The following MBNL2 variants were observed in gnomAD, a reference collection of about 807,000 sequenced individuals.
MBNL2 encodes the protein muscleblind like splicing regulator 2, also known as muscleblind-like protein 2.
MBNL2 carries 17 observed loss-of-function variants against 41.9 expected under a neutral mutation model. The ratio of observed to expected loss-of-function variants is 0.41; its 90% CI spans 0.28 to 0.61. The LOEUF is 0.61. Among genes scored for constraint, MBNL2 ranks in the 20% least tolerant of loss-of-function variants. The pLI is 0.35. For synonymous variants in MBNL2, 195 were observed against 182.9 expected, an observed-to-expected ratio of 1.07 and a Z score of -0.53; for missense variants, 336 against 505.6, an observed-to-expected ratio of 0.66 and a Z score of 3.22.
intron 2 of MBNL2, among the ~76,000 whole-genome samples, chr13:97,284,626 T>G (rs1473497443): frequency 3.9e-5 from 6 of 152,182 alleles, no homozygotes; most frequent in African/African-American, 1.4e-4. Flanking sequence ...GGAACACAAT[T>G]CAACCCATTA....
chr13:97,210,908 G>A, the MBNL2 span, among the ~76,000 whole-genome samples: 15 of 151,994 alleles, frequency 9.9e-5, no homozygotes, highest in African/African-American at 3.6e-4. Context: ...GTGTGGGAAG[G>A]ATTTCTGGCT....
intron 1 of MBNL2, among the ~76,000 whole-genome samples, chr13:97,256,251 A>C (rs1021986249): frequency 3.3e-5 from 5 of 152,248 alleles, no homozygotes; most frequent in Non-Finnish European, 7.4e-5. Flanking sequence ...CTTGATGGGC[A>C]GTGGAAAGAA....
At chr13:97,310,399 AT>A (rs1393653676) in intron 2 of MBNL2, among the ~76,000 whole-genome samples, 1 of 151,456 alleles carries the variant, frequency 6.6e-6, no homozygotes, top group African/African-American at 2.4e-5. Flanking sequence ...TGTGAGTGAG[AT>A]TTGTAGCCCT....
intron 8 of MBNL2, among the ~76,000 whole-genome samples, chr13:97,383,135 C>A (rs2065628144): frequency 6.6e-6 from 1 of 152,144 alleles, no homozygotes; most frequent in Non-Finnish European, 1.5e-5. Flanking sequence ...GTTAGATGGT[C>A]TGAGGACAAG....
intron 7 of MBNL2, among the ~76,000 whole-genome samples, chr13:97,364,533 G>T (rs2063694651): frequency 6.6e-6 from 1 of 152,290 alleles, no homozygotes; most frequent in South Asian, 2.1e-4. Context: ...CACCCATCCT[G>T]CCCTGCAAGC....
At position 97,391,404 on chromosome 13, in the gene MBNL2, C is replaced by A; in HGVS notation, c.1131C>A (p.Tyr377Ter). The change falls in exon 9 of 9, where the codon TAC (tyrosine) becomes TAA (stop). Residue 377 changes from tyrosine (Y) to a stop codon, truncating the protein, a stop_gained. Coordinates refer to ENST00000679496, the MANE Select transcript of MBNL2 (RefSeq NM_001382683.1). LOFTEE classifies it high-confidence loss of function. ...LRITKHCYCT[Y>*]YPVSSSIELP... Reference sequence around the variant, plus strand: ...TAACTAAACATTGTTACTGTACATACTATCCTGTTTCCTCCTCAATAGAAT... The same window carrying A: ...TAACTAAACATTGTTACTGTACATAATATCCTGTTTCCTCCTCAATAGAAT... 1 of 1,567,850 alleles carries A rather than the reference C, an allele frequency of 6.4e-7. No homozygotes were observed. Among genetic ancestry groups the A allele is most frequent in the Non-Finnish European group, 8.8e-7 (1 of 1,138,118 alleles).
At chr13:97,388,689 C>T (rs1019500249) in intron 8 of MBNL2, among the ~76,000 whole-genome samples, 1 of 152,096 alleles carries the variant, frequency 6.6e-6, no homozygotes, top group Non-Finnish European at 1.5e-5. Flanking sequence ...ATATGACAGG[C>T]CCTCAGTTGA....
At chr13:97,307,500 C>T (rs1462774000) in intron 2 of MBNL2, among the ~76,000 whole-genome samples, 1 of 152,028 alleles carries the variant, frequency 6.6e-6, no homozygotes, top group African/African-American at 2.4e-5. Context: ...TGGAAGCCGA[C>T]ATACCGTTAT....
At chr13:97,333,432 A>G (rs1594224724) in intron 2 of MBNL2, among the ~76,000 whole-genome samples, 1 of 152,196 alleles carries the variant, frequency 6.6e-6, no homozygotes, top group East Asian at 1.9e-4. Context: ...TTAGCCATAA[A>G]CACTCTTCAC....
chr13:97,217,025 A>G (rs911722393), upstream of MBNL2, among the ~76,000 whole-genome samples: 3 of 147,620 alleles, frequency 2.0e-5, no homozygotes, highest in African/African-American at 7.5e-5. Context: ...GAATATACAT[A>G]TAACATAATA....
chr13:97,373,158 C>T (rs2064554407), intron 8 of MBNL2, among the ~76,000 whole-genome samples: 1 of 152,198 alleles, frequency 6.6e-6, no homozygotes, highest in Non-Finnish European at 1.5e-5. Flanking sequence ...CAGAAAGCAG[C>T]TGGGCCCCAC....
chr13:97,240,271 C>T (rs1420452379), intron 1 of MBNL2, among the ~76,000 whole-genome samples: 1 of 152,226 alleles, frequency 6.6e-6, no homozygotes, highest in African/African-American at 2.4e-5. Flanking sequence ...CACCCAAATC[C>T]TGGCTCTGCC....
intron 2 of MBNL2, among the ~76,000 whole-genome samples, chr13:97,330,643 G>A (rs1443972854): frequency 2.6e-5 from 4 of 152,122 alleles, no homozygotes; most frequent in East Asian, 1.9e-4. Context: ...GACGCTTTAC[G>A]CTTCTGCACA....
rs920489313 is a variant in MBNL2, at chr13:97,242,504, G to T, written c.-605+19973G>T. On this transcript the variant is annotated intron_variant, in intron 1 of 8. Transcript: ENST00000679496. ...GGCATCAACAATCCTGTTACCTGCCGTCTTCTACCCAAAATATAATCCTGA... is the reference window on the plus strand; with the variant it reads ...GGCATCAACAATCCTGTTACCTGCCTTCTTCTACCCAAAATATAATCCTGA... Among the ~76,000 whole-genome samples, 22 of 152,088 alleles carry T rather than the reference G, an allele frequency of 1.4e-4. 1 individual carries two copies. Among genetic ancestry groups the T allele is most frequent in the Admixed American group, 1.3e-3 (20 of 15,268 alleles).
intron 1 of MBNL2, among the ~76,000 whole-genome samples, chr13:97,228,506 A>G (rs1283959098): frequency 6.7e-6 from 1 of 149,760 alleles, no homozygotes; most frequent in Non-Finnish European, 1.5e-5. Flanking sequence ...TGTATATATA[A>G]TTTCAGTTTT....
chr13:97,228,198 A>T (rs1230498245), intron 1 of MBNL2, among the ~76,000 whole-genome samples: 1 of 152,168 alleles, frequency 6.6e-6, no homozygotes, highest in Non-Finnish European at 1.5e-5. Context: ...CCAGCTGGCC[A>T]GTAGAAGAGA....
the MBNL2 span, among the ~76,000 whole-genome samples, chr13:97,159,018 T>C: frequency 7.3e-5 from 11 of 150,668 alleles, no homozygotes; most frequent in South Asian, 2.3e-3. Context: ...CCATTATTAA[T>C]GTGTGGGAGT....
chr13:97,218,430 C>CAAAAAAAAAAAAAAAAAAAAAA (rs746110575), upstream of MBNL2, among the ~76,000 whole-genome samples: 13 of 69,028 alleles, frequency 1.9e-4, 1 homozygote, highest in Non-Finnish European at 3.2e-4. Context: ...AAAAACAAAA[C>CAAAAAAAAAAAAAAAAAAAAAA]AAAACAAAAC....
At chr13:97,221,661 G>C (rs896433216), upstream of MBNL2, 1 of 152,156 alleles carries the variant, frequency 6.6e-6, no homozygotes, top group Non-Finnish European at 1.5e-5. Context: ...GTAGTGTATA[G>C]ATATCAATTT....
Sources: allele counts gnomAD v4.1 joint callset (sites outside exome capture counted in the v4.1 genomes callset), GRCh38; gene constraint gnomAD v4.1.1; transcripts MANE v1.5; gene names NCBI Gene and HGNC (gene_info 2026-07-23, HGNC 2026-07-21).